The following SLC12A2 variants were observed in gnomAD, a reference collection of about 807,000 sequenced individuals.
SLC12A2 encodes the protein solute carrier family 12 member 2.
SLC12A2 carries 67 observed loss-of-function variants against 136.3 expected under a neutral mutation model. The ratio of observed to expected loss-of-function variants is 0.49; its 90% CI spans 0.40 to 0.60. The LOEUF (loss-of-function observed/expected upper bound fraction) is 0.60. Ranked by LOEUF, SLC12A2 falls within the 20% of genes least tolerant of loss-of-function variation. The pLI, the probability that SLC12A2 is intolerant of heterozygous loss-of-function variation, is 0.00. For synonymous variants in SLC12A2, 619 were observed against 562.9 expected, an observed-to-expected ratio of 1.10 and a Z score of -1.41; for missense variants, 1,322 against 1,534.7, an observed-to-expected ratio of 0.86 and a Z score of 2.32.
chr5:128,112,509 A>G (rs1464424886), intron 1 of SLC12A2, among the ~76,000 whole-genome samples: 1 of 152,188 alleles, frequency 6.6e-6, no homozygotes, highest in Non-Finnish European at 1.5e-5. Flanking sequence ...GCTACCCTGT[A>G]ATTAGCAAAC....
At chr5:128,158,212 ATT>A in intron 16 of SLC12A2, 48 bp downstream of exon 16, 1 of 1,400,532 alleles carries the variant, frequency 7.1e-7, no homozygotes. Context: ...TTAAAGTTTT[ATT>A]TTAGGTTCAG....
rs1434667267 is a variant in SLC12A2 at position 128,188,397 on chromosome 5, C to G, written c.*1766C>G. The G allele has an allele frequency of 6.7e-6, 1 of 148,376 alleles. No homozygotes were observed. Among genetic ancestry groups the G allele is most frequent in the African/African-American group, 2.5e-5 (1 of 39,546 alleles). 9.2% of individuals were successfully genotyped at this position (148,376 alleles called of 1,614,324 possible). Reference sequence around the variant, plus strand: ...GCGACCTCCACCTCCCCAGTTCAAGCGATTCTCCTGCCTCAGCCTCCCTAG... The same window carrying G: ...GCGACCTCCACCTCCCCAGTTCAAGGGATTCTCCTGCCTCAGCCTCCCTAG... On this transcript the variant is annotated 3_prime_UTR_variant, in exon 27 of 27. Transcript: ENST00000262461.
At chr5:128,119,046 A>G (rs1761457676) in intron 4 of SLC12A2, among the ~76,000 whole-genome samples, 1 of 152,194 alleles carries the variant, frequency 6.6e-6, no homozygotes, top group African/African-American at 2.4e-5. Context: ...TTTTAGCTAT[A>G]AACTATAAAC....
intron 7 of SLC12A2, among the ~76,000 whole-genome samples, chr5:128,137,824 A>G (rs1040618770): frequency 1.3e-5 from 2 of 152,218 alleles, no homozygotes; most frequent in African/African-American, 4.8e-5. Flanking sequence ...TCAAAAATCA[A>G]TAGGTGACTA....
intron 1 of SLC12A2, among the ~76,000 whole-genome samples, chr5:128,108,717 G>T (rs1458235587): frequency 6.6e-6 from 1 of 152,188 alleles, no homozygotes; most frequent in Non-Finnish European, 1.5e-5. Flanking sequence ...GGGAATAAGA[G>T]TACAACTTTG....
intron 10 of SLC12A2, among the ~76,000 whole-genome samples, chr5:128,144,826 G>A (rs1762478770): frequency 6.6e-6 from 1 of 151,924 alleles, no homozygotes; most frequent in African/African-American, 2.4e-5. Context: ...AGATTTTCTT[G>A]AATCCCAAAT....
At chr5:128,138,933 G>C in intron 9 of SLC12A2, 25 bp downstream of exon 9, 1 of 1,508,748 alleles carries the variant, frequency 6.6e-7, no homozygotes, top group Non-Finnish European at 9.2e-7. Context: ...ATTTCTTTAT[G>C]TGTCGCAGAA....
chr5:128,092,937 A>G (rs944068345), intron 1 of SLC12A2, among the ~76,000 whole-genome samples: 1 of 151,934 alleles, frequency 6.6e-6, no homozygotes, highest in Non-Finnish European at 1.5e-5. Context: ...ATTTTATTTA[A>G]CTCTCATTCC....
chr5:128,177,215 C>T lies in SLC12A2; in HGVS notation c.2977+63C>T, dbSNP rs1026749525. The T allele has an allele frequency of 4.3e-6, 5 of 1,150,498 alleles. No homozygotes were observed. In the African/African-American group the frequency reaches 4.9e-5, roughly 11 times the overall value. The allele number at this position is 1,150,498 out of a possible 1,614,324, so 71.3% of individuals were successfully genotyped here. A position where few individuals can be genotyped will look rare whatever the true frequency, so the allele number is the denominator to read the frequency against. ...CATACTGTAAACTCTTTAACTCCAA[C>T]CTTATTCCCTTTTTTTTAACCTTGG... On this transcript the variant is annotated intron_variant, in intron 21 of 26. Transcript: ENST00000262461.
chr5:128,093,201 G>A (rs1363112998), intron 1 of SLC12A2, among the ~76,000 whole-genome samples: 4 of 152,134 alleles, frequency 2.6e-5, no homozygotes, highest in African/African-American at 9.7e-5. Context: ...TTCTTTTGAA[G>A]TGTTTTGGTC....
At chr5:128,099,336 A>G (rs1760661901) in intron 1 of SLC12A2, among the ~76,000 whole-genome samples, 1 of 152,166 alleles carries the variant, frequency 6.6e-6, no homozygotes, top group African/African-American at 2.4e-5. Context: ...GTAAAAATAC[A>G]ATATAAAAGA....
At chr5:128,110,270 G>C (rs372911678) in intron 1 of SLC12A2, 2 of 810,748 alleles carry the variant, frequency 2.5e-6, no homozygotes. Context: ...TGGCTCCACA[G>C]ATTCCAAGGA....
rs1018899743 is a variant in SLC12A2 at position 128,152,811 on chromosome 5, T to A, written c.2363+6T>A. On this transcript the variant is annotated splice_donor_region_variant and intron_variant, in intron 15 of 26. Transcript: ENST00000262461. Reference sequence around the variant, plus strand: ...GACCACGTGAAAAACTTTAGGTAAGTGATAAAGAAGGAAACATGGAAGCAT... The same window carrying A: ...GACCACGTGAAAAACTTTAGGTAAGAGATAAAGAAGGAAACATGGAAGCAT... The A allele has an allele frequency of 2.6e-6, 4 of 1,562,688 alleles. No individual in the cohort carries two copies. The highest frequency in any genetic ancestry group is 3.5e-6 in the Non-Finnish European group (4 of 1,133,248).
chr5:128,154,308 C>T (rs573605483), intron 15 of SLC12A2, among the ~76,000 whole-genome samples: 3 of 151,426 alleles, frequency 2.0e-5, no homozygotes, highest in Admixed American at 6.6e-5. Context: ...TACCTGTGGT[C>T]GGGAGACTGA....
At chr5:128,147,209 A>G (rs1164616219) in intron 10 of SLC12A2, among the ~76,000 whole-genome samples, 1 of 150,724 alleles carries the variant, frequency 6.6e-6, no homozygotes, top group African/African-American at 2.4e-5. Flanking sequence ...TTAAGTTTCT[A>G]AGCTGCGACA....
At chr5:128,110,574 G>GT in intron 1 of SLC12A2, 1 of 1,167,424 alleles carries the variant, frequency 8.6e-7, no homozygotes, top group Non-Finnish European at 1.3e-6. Context: ...TCAAGCATAA[G>GT]TATCAAATAA....
chr5:128,114,088 G>C, intron 2 of SLC12A2, 124 bp from the exon 3 acceptor site: 1 of 707,836 alleles, frequency 1.4e-6, no homozygotes, highest in Non-Finnish European at 2.4e-6. Flanking sequence ...GTAGGAGTTA[G>C]ATTTAAAACT....
chr5:128,131,952 C>T (rs996752863), intron 5 of SLC12A2, among the ~76,000 whole-genome samples: 1 of 152,142 alleles, frequency 6.6e-6, no homozygotes, highest in Non-Finnish European at 1.5e-5. Flanking sequence ...TTGCGGTGAG[C>T]CGAGATCGCG....
Position 128,083,846 on chromosome 5 carries a change from A to T in SLC12A2, c.-109A>T. On this transcript the variant is annotated 5_prime_UTR_variant, in exon 1 of 27. Coordinates refer to ENST00000262461, the MANE Select transcript of SLC12A2 (RefSeq NM_001046.3). ...CGGCCCGCAGGCGGCGGGGAGAAAG[A>T]CTCTCTCACCTGGTCTTGCGGCTGT... 1 of 814,176 alleles carries T rather than the reference A, an allele frequency of 1.2e-6. No homozygotes were observed. Among genetic ancestry groups the T allele is most frequent in the Non-Finnish European group, 1.6e-6 (1 of 613,430 alleles). The allele number at this position is 814,176 out of a possible 1,614,324, so 50.4% of individuals were successfully genotyped here. A position where few individuals can be genotyped will look rare whatever the true frequency, so the allele number is the denominator to read the frequency against.
Sources: gnomAD v4.1 joint callset for allele counts (sites outside exome capture counted in the v4.1 genomes callset) on GRCh38, gnomAD v4.1.1 for gene constraint, MANE v1.5 for transcripts, NCBI Gene and HGNC (gene_info 2026-07-23, HGNC 2026-07-21) for gene names.